The following MARCHF5 variants were observed in gnomAD, a reference collection of about 807,000 sequenced individuals.
MARCHF5 encodes E3 ubiquitin-protein ligase MARCHF5.
In MARCHF5, 5 loss-of-function variants were observed where a neutral mutation model predicts 36.5. The ratio of observed to expected loss-of-function variants is 0.14; its 90% confidence interval spans 0.07 to 0.29. The LOEUF (loss-of-function observed/expected upper bound fraction) is 0.29, where lower values mean the gene tolerates loss of function less well. Among genes scored for constraint, MARCHF5 ranks in the 10% least tolerant of loss-of-function variants. MARCHF5 has a pLI of 1.00. For missense variants in MARCHF5, 179 were observed against 336.3 expected (o/e 0.53, Z 3.66); for synonymous variants, 103 against 109.9 (o/e 0.94, Z 0.39).
intron 2 of MARCHF5, among the ~76,000 whole-genome samples, chr10:92,330,574 T>C (rs959781876): frequency 1.3e-5 from 2 of 152,130 alleles, no homozygotes; most frequent in African/African-American, 4.8e-5. Context: ...ATTGTCTTAT[T>C]TGTATTCCAG....
At chr10:92,327,307 G>T (rs1187726296) in intron 2 of MARCHF5, among the ~76,000 whole-genome samples, 1 of 136,264 alleles carries the variant, frequency 7.3e-6, no homozygotes. Flanking sequence ...TATATGAAGA[G>T]CTTTTTTTTT....
intron 1 of MARCHF5, among the ~76,000 whole-genome samples, chr10:92,295,906 C>T (rs1169308356): frequency 6.7e-6 from 1 of 149,176 alleles, no homozygotes; most frequent in African/African-American, 2.5e-5. Context: ...GAATTTCGCT[C>T]TTGTTGCCCA....
rs1310775578 is a variant in MARCHF5, at chr10:92,340,739, C to G, written c.305C>G (p.Ala102Gly). 1 of 1,613,658 alleles carries G rather than the reference C, an allele frequency of 6.2e-7. No individual in the cohort carries two copies. Among genetic ancestry groups the G allele is most frequent in the Admixed American group, 1.7e-5 (1 of 59,968 alleles). The change falls in exon 3 of 6, where the codon GCA becomes GGA. Residue 102 changes from alanine (A) to glycine (G), a missense_variant. Coordinates refer to ENST00000358935, the MANE Select transcript of MARCHF5 (RefSeq NM_017824.5). ...LISKACPFAA[A>G]GIMVGSIYWT... is the part of the protein sequence containing the mutation. Reference sequence around the variant, plus strand: ...TCAAAAGCCTGTCCATTTGCTGCAGCAGGAATAATGGTCGGCTCTATCTAT... The same window carrying G: ...TCAAAAGCCTGTCCATTTGCTGCAGGAGGAATAATGGTCGGCTCTATCTAT...
At chr10:92,322,439 C>CTTTT (rs575122002) in intron 2 of MARCHF5, among the ~76,000 whole-genome samples, 4 of 120,466 alleles carry the variant, frequency 3.3e-5, no homozygotes, top group African/African-American at 1.2e-4. Context: ...TCTTTTTGTC[C>CTTTT]TTTTTTTTTT....
rs559071077 is a variant in MARCHF5, at chr10:92,353,590, G to A, written c.*2383G>A. Reference sequence around the variant, plus strand: ...AGGAAAAGTAAATGGAGAGGTAAAAGAAAGGCATTGGGGACAAATGAAAGA... The same window carrying A: ...AGGAAAAGTAAATGGAGAGGTAAAAAAAAGGCATTGGGGACAAATGAAAGA... On this transcript the variant is annotated 3_prime_UTR_variant, in exon 6 of 6. Transcript: ENST00000358935. 6.6e-6 allele frequency: 1 copy of A among 152,564 alleles called. No homozygotes were observed. The allele number at this position is 152,564 out of a possible 1,614,324, so 9.5% of individuals were successfully genotyped here. A position where few individuals can be genotyped will look rare whatever the true frequency, so the allele number is the denominator to read the frequency against.
At chr10:92,319,459 C>G (rs1246546874) in intron 2 of MARCHF5, among the ~76,000 whole-genome samples, 1 of 151,528 alleles carries the variant, frequency 6.6e-6, no homozygotes, top group East Asian at 2.0e-4. Context: ...CCATGCCCGG[C>G]TAATTTTTGT....
intron 2 of MARCHF5, among the ~76,000 whole-genome samples, chr10:92,337,274 G>A (rs148615874): frequency 1.1e-4 from 16 of 152,022 alleles, no homozygotes; most frequent in Non-Finnish European, 1.8e-4. Flanking sequence ...CCAACACTTC[G>A]GGAGGCTGAG....
chr10:92,326,071 A>G lies in MARCHF5; in HGVS notation c.239-14602A>G, dbSNP rs913421322. Among the ~76,000 whole-genome samples the G allele has an allele frequency of 2.0e-5, 3 of 152,224 alleles. No individual in the cohort carries two copies. In the East Asian group the frequency reaches 5.8e-4, roughly 29 times the overall value. The stretch of plus-strand genomic sequence containing the variant: ...TAACCATCCTCAAAAAGTGGTTGTC[A>G]AATGTTAAGTGGAGTGTAAATGCTT... On this transcript the variant is annotated intron_variant, in intron 2 of 5. Coordinates refer to ENST00000358935, the MANE Select transcript of MARCHF5 (RefSeq NM_017824.5).
intron 3 of MARCHF5, among the ~76,000 whole-genome samples, chr10:92,346,481 C>T (rs1168244788): frequency 1.3e-5 from 2 of 150,328 alleles, no homozygotes; most frequent in Non-Finnish European, 3.0e-5. Flanking sequence ...CATTCTTTGC[C>T]CTATTTCCTT....
intron 1 of MARCHF5, among the ~76,000 whole-genome samples, chr10:92,293,170 A>T (rs1048395418): frequency 6.6e-6 from 1 of 151,914 alleles, no homozygotes; most frequent in Non-Finnish European, 1.5e-5. Context: ...CATTGGCATG[A>T]TCTCAACTCA....
chr10:92,293,957 C>G lies in MARCHF5; in HGVS notation c.35+2428C>G, dbSNP rs941751747. On this transcript the variant is annotated intron_variant, in intron 1 of 5. Transcript: ENST00000358935. ...GATTTTTAACATGACTTTCAAAGACCGTTATTGTCTAGATTAGTAGTTGGC... is the reference window on the plus strand; with the variant it reads ...GATTTTTAACATGACTTTCAAAGACGGTTATTGTCTAGATTAGTAGTTGGC... 2.0e-5 allele frequency among the ~76,000 whole-genome samples: 3 copies of G among 152,190 alleles called. No individual in the cohort carries two copies. In the South Asian group the frequency reaches 6.2e-4, roughly 32 times the overall value.
intron 2 of MARCHF5, among the ~76,000 whole-genome samples, chr10:92,323,327 A>G (rs930001400): frequency 1.3e-5 from 2 of 152,114 alleles, no homozygotes; most frequent in Admixed American, 6.6e-5. Flanking sequence ...TTTCCCCACT[A>G]TCAACATCTT....
rs201290582 is a variant in MARCHF5, at chr10:92,349,857, A to T, written c.720+20A>T. The T allele has an allele frequency of 1.5e-5, 23 of 1,583,512 alleles. No homozygotes were observed. In the East Asian group the frequency reaches 2.9e-4, roughly 20 times the overall value. ...ATCTTGGTAAGACGGCTTTAACATTACTTATATTACCTTGCAAAAGAGAAT... is the reference window on the plus strand; with the variant it reads ...ATCTTGGTAAGACGGCTTTAACATTTCTTATATTACCTTGCAAAAGAGAAT... On this transcript the variant is annotated intron_variant, in intron 5 of 5. Transcript: ENST00000358935.
intron 2 of MARCHF5, among the ~76,000 whole-genome samples, chr10:92,333,019 G>T (rs1478200413): frequency 1.3e-5 from 2 of 151,888 alleles, no homozygotes; most frequent in African/African-American, 4.8e-5. Flanking sequence ...AATTAGCCAG[G>T]CATGGTGACA....
At chr10:92,345,505 T>G (rs1843631254) in intron 3 of MARCHF5, among the ~76,000 whole-genome samples, 1 of 151,970 alleles carries the variant, frequency 6.6e-6, no homozygotes, top group Non-Finnish European at 1.5e-5. Context: ...TCTAATTAAT[T>G]AATGTAGAAT....
intron 2 of MARCHF5, among the ~76,000 whole-genome samples, chr10:92,338,165 G>A (rs1843527857): frequency 1.3e-5 from 2 of 151,952 alleles, no homozygotes; most frequent in African/African-American, 4.8e-5. Context: ...CTCTAGTGTG[G>A]GTGACAGAGC....
intron 2 of MARCHF5, among the ~76,000 whole-genome samples, chr10:92,311,853 AG>A (rs2135186895): frequency 6.6e-6 from 1 of 152,266 alleles, no homozygotes; most frequent in South Asian, 2.1e-4. Flanking sequence ...GTGAAGTGGC[AG>A]GTAAGAAATA....
At chr10:92,331,814 T>C (rs933634184) in intron 2 of MARCHF5, among the ~76,000 whole-genome samples, 2 of 149,470 alleles carry the variant, frequency 1.3e-5, no homozygotes, top group East Asian at 1.9e-4. Context: ...TTTATAGATA[T>C]AGCATATATA....
intron 2 of MARCHF5, among the ~76,000 whole-genome samples, chr10:92,326,927 C>G (rs1843367994): frequency 6.6e-6 from 1 of 152,090 alleles, no homozygotes; most frequent in African/African-American, 2.4e-5. Flanking sequence ...AGCCATGGTG[C>G]CAAGTAAGTT....
Sources: allele counts gnomAD v4.1 joint callset (sites outside exome capture counted in the v4.1 genomes callset), GRCh38; gene constraint gnomAD v4.1.1; transcripts MANE v1.5; gene names NCBI Gene and HGNC (gene_info 2026-07-23, HGNC 2026-07-21).